The following GREB1L variants were observed in gnomAD, a reference collection of about 807,000 sequenced individuals.
GREB1L encodes GREB1-like protein.
In GREB1L, 17 loss-of-function variants were observed where a neutral mutation model predicts 200.8. The ratio of observed to expected loss-of-function variants is 0.08; its 90% CI spans 0.06 to 0.13. GREB1L has a LOEUF of 0.13. Among genes scored for constraint, GREB1L ranks in the 10% least tolerant of loss-of-function variants. The pLI is 1.00. For synonymous variants in GREB1L, 789 were observed against 893.0 expected, an observed-to-expected ratio of 0.88 and a Z score of 2.08; for missense variants, 1,657 against 2,367.7, an observed-to-expected ratio of 0.70 and a Z score of 6.23.
rs558612294 is a variant in GREB1L at position 21,479,672 on chromosome 18, C to T, written c.2556+2316C>T. ...CCAGCTTGAGAGACATAGCAAGACC[C>T]TGTCTCAAAAAAAAAAAAAAATCAT... On this transcript the variant is annotated intron_variant, in intron 17 of 32. Transcript: ENST00000424526. Among the ~76,000 whole-genome samples the T allele has an allele frequency of 3.3e-5, 5 of 150,214 alleles. No homozygotes were observed. The East Asian group carries it at 9.7e-4, about 29-fold the overall frequency.
Position 21,449,502 on chromosome 18 carries a change from C to CTA in GREB1L, c.1394-3_1394-2dup. 1 of 1,483,996 alleles carries CTA rather than the reference C, an allele frequency of 6.7e-7. No individual in the cohort carries two copies. The highest frequency in any genetic ancestry group is 9.1e-7 in the Non-Finnish European group (1 of 1,103,546). The allele number at this position is 1,483,996 out of a possible 1,614,324, so 91.9% of individuals were successfully genotyped here. A position where few individuals can be genotyped will look rare whatever the true frequency, so the allele number is the denominator to read the frequency against. On this transcript the variant is annotated splice_polypyrimidine_tract_variant and splice_region_variant and intron_variant, in intron 11 of 32. Transcript: ENST00000424526. ...TTTAAATTCCAGCTGTAATTCTCTT[C>CTA]TATATAGGTCCTGATCAGGTACCTC...
intron 1 of GREB1L, among the ~76,000 whole-genome samples, chr18:21,304,213 G>T (rs1343570771): frequency 6.7e-6 from 1 of 148,162 alleles, no homozygotes; most frequent in Admixed American, 6.8e-5. Context: ...ATCTTCACTA[G>T]TTAAGCCCAT....
At chr18:21,419,937 G>T (rs1211412327) in intron 7 of GREB1L, among the ~76,000 whole-genome samples, 1 of 152,216 alleles carries the variant, frequency 6.6e-6, no homozygotes, top group African/African-American at 2.4e-5. Context: ...GCAACTTGTA[G>T]AAGAAAACAT....
intron 4 of GREB1L, among the ~76,000 whole-genome samples, chr18:21,388,329 A>G (rs951445607): frequency 3.9e-5 from 6 of 152,102 alleles, no homozygotes; most frequent in African/African-American, 1.4e-4. Flanking sequence ...ATATCCCCAC[A>G]CAGTTTGCCC....
At chr18:21,363,276 G>GCCCCCCCCCCCC (rs1208167958) in intron 1 of GREB1L, among the ~76,000 whole-genome samples, 1 of 4,012 alleles carries the variant, frequency 2.5e-4, no homozygotes, top group Non-Finnish European at 4.7e-4. Context: ...CCCCCACTCC[G>GCCCCCCCCCCCC]CCTCCCCCCC....
intron 1 of GREB1L, chr18:21,363,904 T>C (rs1438818416): frequency 6.6e-6 from 1 of 152,256 alleles, no homozygotes; most frequent in Non-Finnish European, 1.5e-5. Context: ...TGTTTGAATA[T>C]ATATTTTTTA....
chr18:21,458,493 G>A (rs950726582), intron 15 of GREB1L, among the ~76,000 whole-genome samples: 5 of 152,196 alleles, frequency 3.3e-5, no homozygotes, highest in Non-Finnish European at 7.3e-5. Context: ...CACCCAGGCA[G>A]GGAAGAGCTG....
At chr18:21,522,132 G>C (rs1488640627) in intron 32 of GREB1L, among the ~76,000 whole-genome samples, 1 of 151,924 alleles carries the variant, frequency 6.6e-6, no homozygotes, top group Non-Finnish European at 1.5e-5. Context: ...TTATCACAGG[G>C]AAGAGGGAAT....
chr18:21,397,191 C>T (rs1161368433), intron 5 of GREB1L, among the ~76,000 whole-genome samples: 1 of 151,370 alleles, frequency 6.6e-6, no homozygotes, highest in African/African-American at 2.4e-5. Flanking sequence ...TTATAAGGCT[C>T]TCATAAAAAA....
intron 7 of GREB1L, among the ~76,000 whole-genome samples, chr18:21,404,798 T>G (rs1598770737): frequency 6.6e-6 from 1 of 152,196 alleles, no homozygotes. Context: ...TAAAAGACTT[T>G]GTGAATTTGT....
At chr18:21,513,593 C>A (rs527581682) in intron 27 of GREB1L, among the ~76,000 whole-genome samples, 2 of 152,310 alleles carry the variant, frequency 1.3e-5, no homozygotes, top group South Asian at 4.1e-4. Context: ...TTACACCATA[C>A]CGACTCAAAT....
At chr18:21,512,094 G>A (rs2037261409) in intron 27 of GREB1L, among the ~76,000 whole-genome samples, 1 of 152,150 alleles carries the variant, frequency 6.6e-6, no homozygotes, top group Admixed American at 6.5e-5. Flanking sequence ...CATTACTATA[G>A]CTTTGTAGTA....
intron 1 of GREB1L, among the ~76,000 whole-genome samples, chr18:21,318,416 C>T (rs1329795287): frequency 6.6e-6 from 1 of 152,136 alleles, no homozygotes; most frequent in African/African-American, 2.4e-5. Context: ...ACCTTAAAGA[C>T]TCTTCCTTAT....
rs569456994 is a variant in GREB1L at position 21,290,162 on chromosome 18, CAT to C, written c.-120+47772_-120+47773del. Among the ~76,000 whole-genome samples the C allele has an allele frequency of 1.1e-4, 17 of 152,306 alleles. No homozygotes were observed. In the East Asian group the frequency reaches 3.1e-3, roughly 28 times the overall value. On this transcript the variant is annotated intron_variant, in intron 1 of 32. Transcript: ENST00000424526. ...TAACAGTAGATAGAACACCTGCTTT[CAT>C]ATTCTACTTCTTCATTCAACTACCG...
intron 7 of GREB1L, among the ~76,000 whole-genome samples, chr18:21,428,249 GATC>G (rs1336903725): frequency 7.4e-6 from 1 of 135,840 alleles, no homozygotes; most frequent in East Asian, 2.2e-4. Context: ...TCTTCGTCCA[GATC>G]ATAGTTTGAT....
intron 7 of GREB1L, among the ~76,000 whole-genome samples, chr18:21,407,900 G>C (rs1195114359): frequency 6.6e-6 from 1 of 152,142 alleles, no homozygotes; most frequent in Non-Finnish European, 1.5e-5. Flanking sequence ...TCACTTACAC[G>C]TGGGAGCTAA....
chr18:21,404,095 T>C, intron 7 of GREB1L, 101 bp downstream of exon 7: 4 of 1,064,924 alleles, frequency 3.8e-6, no homozygotes, highest in Non-Finnish European at 4.1e-6. Context: ...TAGAGATATT[T>C]CAAAATAAAG....
intron 1 of GREB1L, among the ~76,000 whole-genome samples, chr18:21,346,364 A>T (rs1415055803): frequency 6.6e-6 from 1 of 151,822 alleles, no homozygotes; most frequent in Non-Finnish European, 1.5e-5. Context: ...CACCGGGGAA[A>T]TCCGTTCAAA....
At chr18:21,295,277 G>A (rs1839947596) in intron 1 of GREB1L, among the ~76,000 whole-genome samples, 1 of 152,118 alleles carries the variant, frequency 6.6e-6, no homozygotes, top group Non-Finnish European at 1.5e-5. Context: ...CTTCCTCATG[G>A]TGAGGAACGG....
Sources: gnomAD v4.1 joint callset for allele counts (sites outside exome capture counted in the v4.1 genomes callset) on GRCh38, gnomAD v4.1.1 for gene constraint, MANE v1.5 for transcripts, NCBI Gene and HGNC (gene_info 2026-07-23, HGNC 2026-07-21) for gene names.